The following CTPS2 variants were observed in gnomAD, a reference collection of about 807,000 sequenced individuals.
The protein encoded by CTPS2 is CTP synthase II.
Under a neutral mutation model 46.8 loss-of-function variants are expected in CTPS2, and 19 were observed. The ratio of observed to expected loss-of-function variants is 0.41; its 90% CI spans 0.28 to 0.60. The LOEUF (loss-of-function observed/expected upper bound fraction) is 0.60, where lower values mean the gene tolerates loss of function less well. Among genes scored for constraint, CTPS2 ranks in the 20% least tolerant of loss-of-function variants. CTPS2 has a pLI of 0.35. For missense variants in CTPS2, 286 were observed against 447.6 expected, an observed-to-expected ratio of 0.64 and a Z score of 3.26; for synonymous variants, 151 against 165.2, an observed-to-expected ratio of 0.91 and a Z score of 0.66.
At chrX:16,672,139 G>T (rs1921801090) in intron 10 of CTPS2, among the ~76,000 whole-genome samples, 3 of 111,288 alleles carry the variant, frequency 2.7e-5, no homozygotes, top group Non-Finnish European at 1.9e-5. Context: ...AATAGGTTTG[G>T]CACTATGGGA....
At chrX:16,637,502 G>A (rs988385164) in intron 14 of CTPS2, among the ~76,000 whole-genome samples, 1 of 112,605 alleles carries the variant, frequency 8.9e-6, no homozygotes, top group Non-Finnish European at 1.9e-5. Context: ...GAGCCAGTGC[G>A]ACTGGCCAAG....
At chrX:16,633,597 G>T (rs1931596780) in intron 14 of CTPS2, among the ~76,000 whole-genome samples, 1 of 111,579 alleles carries the variant, frequency 9.0e-6, no homozygotes, top group South Asian at 3.7e-4. Flanking sequence ...TTTACTAACT[G>T]GCCCTTTATT....
chrX:16,669,209 G>A (rs913167509), intron 11 of CTPS2, among the ~76,000 whole-genome samples: 1 of 111,173 alleles, frequency 9.0e-6, no homozygotes, highest in African/African-American at 3.3e-5. Flanking sequence ...GACCTGTGTC[G>A]CCCAAGCCTG....
chrX:16,680,224 G>A, intron 9 of CTPS2, among the ~76,000 whole-genome samples: 1 of 111,574 alleles, frequency 9.0e-6, no homozygotes, highest in Non-Finnish European at 1.9e-5. Flanking sequence ...GTATATAACA[G>A]TCCCTCTCTA....
chrX:16,656,482 T>C (rs1200380456), intron 13 of CTPS2, among the ~76,000 whole-genome samples: 1 of 109,099 alleles, frequency 9.2e-6, no homozygotes, highest in Non-Finnish European at 1.9e-5. Flanking sequence ...CCATCTCGGC[T>C]CACTGCAAGC....
chrX:16,712,091 G>C (rs1925505954), intron 1 of CTPS2: 1 of 111,558 alleles, frequency 9.0e-6, no homozygotes, highest in Non-Finnish European at 1.9e-5. Context: ...ACCGCACTGG[G>C]CACGGGCCAG....
chrX:16,629,671 GC>G (rs998244791), intron 14 of CTPS2, among the ~76,000 whole-genome samples: 1 of 111,047 alleles, frequency 9.0e-6, no homozygotes, highest in African/African-American at 3.3e-5. Context: ...CCATATCAAT[GC>G]TTTGATAAGA....
intron 13 of CTPS2, among the ~76,000 whole-genome samples, chrX:16,664,321 A>G (rs1199535934): frequency 1.8e-5 from 2 of 112,273 alleles, no homozygotes; most frequent in Admixed American, 9.5e-5. Context: ...TTAGTCAGGA[A>G]ATATGTTTAT....
chrX:16,692,468 A>G (rs544266491), intron 6 of CTPS2, among the ~76,000 whole-genome samples: 2 of 110,846 alleles, frequency 1.8e-5, no homozygotes, highest in African/African-American at 6.6e-5. Context: ...CCCCGTCTCA[A>G]AAAGAAAAAA....
chrX:16,704,510 G>A (rs1312546889), intron 1 of CTPS2, among the ~76,000 whole-genome samples: 1 of 112,018 alleles, frequency 8.9e-6, no homozygotes, highest in Non-Finnish European at 1.9e-5. Context: ...AGGAGGGAGA[G>A]AGGGATGAAT....
intron 13 of CTPS2, among the ~76,000 whole-genome samples, chrX:16,646,731 G>A (rs1291040575): frequency 3.6e-5 from 4 of 112,024 alleles, no homozygotes; most frequent in African/African-American, 1.3e-4. Context: ...TACTAACACT[G>A]TACCCTCTTC....
chrX:16,656,628 A>C (rs1321043666), intron 13 of CTPS2, among the ~76,000 whole-genome samples: 2 of 111,225 alleles, frequency 1.8e-5, no homozygotes, highest in Non-Finnish European at 3.8e-5. Flanking sequence ...GTTAGCCAGG[A>C]TGGTCTCGAT....
intron 10 of CTPS2, among the ~76,000 whole-genome samples, chrX:16,674,463 A>G (rs570378660): frequency 1.6e-4 from 18 of 111,236 alleles, no homozygotes; most frequent in South Asian, 3.8e-4. Flanking sequence ...GCATCCAGCT[A>G]ACGGATTATT....
intron 14 of CTPS2, among the ~76,000 whole-genome samples, chrX:16,626,368 G>A (rs1270189049): frequency 1.8e-5 from 2 of 110,780 alleles, no homozygotes; most frequent in African/African-American, 6.6e-5. Context: ...GCAACAAAGT[G>A]AGACTCTGTC....
At chrX:16,701,878 C>T (rs369726573) in intron 2 of CTPS2, among the ~76,000 whole-genome samples, 4 of 111,158 alleles carry the variant, frequency 3.6e-5, no homozygotes, top group Non-Finnish European at 7.5e-5. Context: ...GGATTACAGG[C>T]GTGAGCCACC....
intron 4 of CTPS2, 88 bp from the exon 5 acceptor site, chrX:16,693,575 C>T: frequency 5.0e-6 from 3 of 599,079 alleles, no homozygotes; most frequent in Non-Finnish European, 8.2e-6. Flanking sequence ...CTTAATAAAC[C>T]GAGCATGAGA....
intron 14 of CTPS2, among the ~76,000 whole-genome samples, chrX:16,629,050 C>T (rs898938167): frequency 1.8e-5 from 2 of 112,195 alleles, no homozygotes; most frequent in Non-Finnish European, 3.8e-5. Flanking sequence ...GAAACTGAGG[C>T]GTGGTGCGGG....
intron 10 of CTPS2, 66 bp downstream of exon 10, chrX:16,678,296 C>G (rs1282793138): frequency 1.4e-6 from 1 of 736,677 alleles, no homozygotes; most frequent in African/African-American, 2.1e-5. Context: ...TTAGGGTAAA[C>G]TGAATCATTA....
chrX:16,625,833 C>T (rs1019084975), intron 14 of CTPS2, among the ~76,000 whole-genome samples: 1 of 110,709 alleles, frequency 9.0e-6, no homozygotes. Flanking sequence ...TTCAGATGCT[C>T]CTTCTCTTCT....
Sources: gnomAD v4.1 joint callset for allele counts (sites outside exome capture counted in the v4.1 genomes callset) on GRCh38, gnomAD v4.1.1 for gene constraint, MANE v1.5 for transcripts, NCBI Gene and HGNC (gene_info 2026-07-23, HGNC 2026-07-21) for gene names.